Variants in ROCK2 observed in about 807,000 individuals in gnomAD.
ROCK2 encodes the protein Rho associated coiled-coil containing protein kinase 2.
ROCK2 carries 61 observed loss-of-function variants against 195.1 expected under a neutral mutation model. The ratio of observed to expected loss-of-function variants is 0.31; its 90% CI spans 0.25 to 0.39. ROCK2 has a LOEUF of 0.39. Ranked by LOEUF, ROCK2 falls within the 10% of genes least tolerant of loss-of-function variation. ROCK2 has a pLI of 1.00. For missense variants in ROCK2, 1,109 were observed against 1,637.4 expected, an observed-to-expected ratio of 0.68 and a Z score of 5.57; for synonymous variants, 504 against 545.5, an observed-to-expected ratio of 0.92 and a Z score of 1.06.
At chr2:11,222,283 T>C (rs1664662643) in intron 7 of ROCK2, 109 bp from the exon 8 acceptor site, 1 of 630,412 alleles carries the variant, frequency 1.6e-6, no homozygotes, top group African/African-American at 1.8e-5. Context: ...TTTGAGATAT[T>C]TGTATTAAAA....
At chr2:11,219,078 T>A in intron 9 of ROCK2, 52 bp from the exon 10 acceptor site, 1 of 992,076 alleles carries the variant, frequency 1.0e-6, no homozygotes, top group Non-Finnish European at 1.5e-6. Flanking sequence ...TTAATCTATG[T>A]GCTGTTTTAT....
chr2:11,296,049 A>G (rs998543260), intron 1 of ROCK2, among the ~76,000 whole-genome samples: 25 of 148,526 alleles, frequency 1.7e-4, no homozygotes, highest in Non-Finnish European at 2.1e-4. Context: ...AGAGAGAGAG[A>G]GAAAACAAAG....
chr2:11,258,805 T>A (rs901736393), intron 3 of ROCK2, among the ~76,000 whole-genome samples: 5 of 150,738 alleles, frequency 3.3e-5, no homozygotes, highest in Non-Finnish European at 7.4e-5. Flanking sequence ...CTAAGGTATA[T>A]GTGAAAGTGT....
At chr2:11,307,910 G>A (rs756965248) in intron 1 of ROCK2, 63 of 1,291,270 alleles carry the variant, frequency 4.9e-5, no homozygotes, top group Non-Finnish European at 6.1e-5. Context: ...TGGCGGTGGT[G>A]GCCGTAGCGG....
At chr2:11,221,172 A>C (rs1275531873) in intron 9 of ROCK2, 26 bp downstream of exon 9, 1 of 1,485,914 alleles carries the variant, frequency 6.7e-7, no homozygotes, top group Admixed American at 2.5e-5. Context: ...AAAACAGTAA[A>C]ATTTAACAAA....
intron 23 of ROCK2, among the ~76,000 whole-genome samples, chr2:11,199,102 T>C (rs1032781111): frequency 1.3e-5 from 2 of 151,992 alleles, no homozygotes; most frequent in Non-Finnish European, 2.9e-5. Context: ...GGTTTCACTA[T>C]GTTGGTCAGG....
At chr2:11,199,380 G>A (rs777639918) in intron 23 of ROCK2, among the ~76,000 whole-genome samples, 1 of 150,722 alleles carries the variant, frequency 6.6e-6, no homozygotes. Flanking sequence ...AATGGCGTGC[G>A]ATCACCACTC....
At chr2:11,294,019 T>A (rs1356013053) in intron 1 of ROCK2, among the ~76,000 whole-genome samples, 3 of 151,962 alleles carry the variant, frequency 2.0e-5, no homozygotes, top group Non-Finnish European at 4.4e-5. Context: ...TAGCCAGGCA[T>A]GGTGGCGGGC....
chr2:11,199,827 A>C (rs1385868471), intron 23 of ROCK2, among the ~76,000 whole-genome samples: 1 of 152,134 alleles, frequency 6.6e-6, no homozygotes, highest in Non-Finnish European at 1.5e-5. Context: ...ATTGTGCCTA[A>C]ATTTCTATAG....
chr2:11,306,736 T>C (rs897148904), intron 1 of ROCK2, among the ~76,000 whole-genome samples: 5 of 152,236 alleles, frequency 3.3e-5, no homozygotes, highest in Admixed American at 2.6e-4. Flanking sequence ...ACAGCATAAA[T>C]GGATGAGCTA....
intron 7 of ROCK2, among the ~76,000 whole-genome samples, chr2:11,223,518 G>A (rs968617935): frequency 6.6e-6 from 1 of 152,116 alleles, no homozygotes; most frequent in East Asian, 1.9e-4. Flanking sequence ...AATAAGATGT[G>A]CTAAGGAATC....
At chr2:11,204,623 TTTC>T (rs1168686931) in intron 20 of ROCK2, among the ~76,000 whole-genome samples, 4 of 152,190 alleles carry the variant, frequency 2.6e-5, no homozygotes, top group African/African-American at 7.2e-5. Flanking sequence ...TTCCATGACA[TTTC>T]TTCTTTTGTT....
chr2:11,340,992 A>G (rs2148281463), intron 1 of ROCK2, among the ~76,000 whole-genome samples: 1 of 152,312 alleles, frequency 6.6e-6, no homozygotes, highest in Admixed American at 6.5e-5. Context: ...ATAGGTAAGC[A>G]GTATGAGAAG....
chr2:11,294,437 G>A lies in ROCK2; in HGVS notation c.142-6701C>T, dbSNP rs1428038064. Among the ~76,000 whole-genome samples the A allele has an allele frequency of 3.3e-5, 5 of 151,294 alleles. No homozygotes were observed. In the East Asian group the frequency reaches 9.7e-4, roughly 29 times the overall value. ...AATTATATGGTGTTAATTATATGGT[G>A]TTAATTATATGGTGGAATTATATGG... On this transcript the variant is annotated intron_variant, in intron 1 of 32. Transcript: ENST00000315872.
At chr2:11,308,866 T>C in intron 1 of ROCK2, 1 of 1,611,926 alleles carries the variant, frequency 6.2e-7, no homozygotes, top group East Asian at 2.2e-5. Context: ...CCACTGACTT[T>C]AAAAGAAAGC....
At chr2:11,236,979 C>G (rs1370436917) in intron 4 of ROCK2, among the ~76,000 whole-genome samples, 1 of 151,960 alleles carries the variant, frequency 6.6e-6, no homozygotes, top group Non-Finnish European at 1.5e-5. Flanking sequence ...GGTGAAACCC[C>G]GTCTCTACTA....
At chr2:11,188,187 T>C (rs948889818) in intron 32 of ROCK2, among the ~76,000 whole-genome samples, 1 of 149,900 alleles carries the variant, frequency 6.7e-6, no homozygotes, top group Admixed American at 6.7e-5. Context: ...CTCGGCTTAC[T>C]GCAACCTCCA....
At chr2:11,239,859 G>A (rs1238161057) in intron 4 of ROCK2, among the ~76,000 whole-genome samples, 2 of 152,260 alleles carry the variant, frequency 1.3e-5, no homozygotes, top group Admixed American at 1.3e-4. Flanking sequence ...CAAATTCAGG[G>A]GTTCCCACAA....
chr2:11,319,395 GCTCT>G (rs1374836494), intron 1 of ROCK2, among the ~76,000 whole-genome samples: 1 of 151,970 alleles, frequency 6.6e-6, no homozygotes, highest in Non-Finnish European at 1.5e-5. Flanking sequence ...TCATGATTTG[GCTCT>G]CTGTCTGTTA....
Sources: allele counts gnomAD v4.1 joint callset (sites outside exome capture counted in the v4.1 genomes callset), GRCh38; gene constraint gnomAD v4.1.1; transcripts MANE v1.5; gene names NCBI Gene and HGNC (gene_info 2026-07-23, HGNC 2026-07-21).